The following PAFAH1B2 variants were observed in gnomAD, a reference collection of about 807,000 sequenced individuals.
PAFAH1B2 encodes the protein platelet-activating factor acetylhydrolase IB subunit alpha2.
Under a neutral mutation model 28.0 loss-of-function variants are expected in PAFAH1B2, and 8 were observed. The observed-to-expected ratio is 0.29, with a 90% CI of 0.17 to 0.52. PAFAH1B2 has a LOEUF of 0.52. PAFAH1B2 is among the 20% of genes least tolerant of loss of function. The probability of loss-of-function intolerance (pLI) is 0.97; values close to 1 mark genes in which losing one functional copy is unlikely to be tolerated. For missense variants in PAFAH1B2, 190 were observed against 282.6 expected, an observed-to-expected ratio of 0.67 and a Z score of 2.35; for synonymous variants, 104 against 103.2, an observed-to-expected ratio of 1.01 and a Z score of -0.05.
exon 6 of PAFAH1B2, chr11:117,176,505 C>CGA (rs1468258242): frequency 5.1e-6 from 1 of 195,028 alleles, no homozygotes; most frequent in African/African-American, 2.3e-5. Context: ...TGAGAGAACT[C>CGA]TGACAAGGCA....
chr11:117,149,428 TCG>T (rs1491271147), intron 1 of PAFAH1B2, among the ~76,000 whole-genome samples: 9 of 79,092 alleles, frequency 1.1e-4, no homozygotes, highest in East Asian at 2.4e-4. Context: ...AGTTTTCTAA[TCG>T]TTTTTTTTTT....
intron 1 of PAFAH1B2, among the ~76,000 whole-genome samples, chr11:117,147,222 C>G (rs1166080704): frequency 6.6e-6 from 1 of 152,060 alleles, no homozygotes; most frequent in South Asian, 2.1e-4. Context: ...GAGCCAAGGT[C>G]GCGCCGTTGT....
intron 1 of PAFAH1B2, among the ~76,000 whole-genome samples, chr11:117,145,697 T>G (rs551085848): frequency 2.6e-5 from 4 of 152,236 alleles, no homozygotes; most frequent in Non-Finnish European, 5.9e-5. Context: ...AAGGGCCGCC[T>G]TCTTCTTCAG....
At chr11:117,158,438 A>C (rs1386984721) in intron 2 of PAFAH1B2, among the ~76,000 whole-genome samples, 3 of 152,142 alleles carry the variant, frequency 2.0e-5, no homozygotes. Context: ...TTGACTGAAA[A>C]GGATTGAGTC....
At chr11:117,164,720 C>A (rs995342417) in intron 5 of PAFAH1B2, among the ~76,000 whole-genome samples, 3 of 151,908 alleles carry the variant, frequency 2.0e-5, no homozygotes, top group Non-Finnish European at 4.4e-5. Flanking sequence ...CAAAGGTGAA[C>A]AGCTGTCTGT....
At chr11:117,149,651 C>G (rs1382421153) in intron 1 of PAFAH1B2, among the ~76,000 whole-genome samples, 1 of 150,296 alleles carries the variant, frequency 6.7e-6, no homozygotes, top group Non-Finnish European at 1.5e-5. Flanking sequence ...CCAGGATGGT[C>G]TCGATCTCCT....
downstream of PAFAH1B2, chr11:117,175,728 CTG>C (rs1192385358): frequency 8.9e-6 from 10 of 1,121,670 alleles, no homozygotes; most frequent in Non-Finnish European, 1.2e-5. Flanking sequence ...AAGTAGGACT[CTG>C]GATGTGCGTT....
chr11:117,150,958 A>G (rs1022444443), intron 1 of PAFAH1B2, among the ~76,000 whole-genome samples: 1 of 150,590 alleles, frequency 6.6e-6, no homozygotes, highest in African/African-American at 2.4e-5. Flanking sequence ...ACTGCACTCC[A>G]GCCTCGGTGA....
intron 2 of PAFAH1B2, 125 bp from the exon 3 acceptor site, chr11:117,159,809 T>TC: frequency 1.5e-6 from 1 of 659,216 alleles, no homozygotes. Context: ...CAGGCTGATC[T>TC]CAAACTCCTG....
chr11:117,175,832 G>A, downstream of PAFAH1B2: 2 of 1,377,610 alleles, frequency 1.5e-6, no homozygotes, highest in Non-Finnish European at 2.0e-6. Context: ...TCGAGAGGCT[G>A]TGGCAGATCG....
downstream of PAFAH1B2, among the ~76,000 whole-genome samples, chr11:117,174,484 A>AT (rs34169524): frequency 0.073 from 7,895 of 107,938 alleles, 249 homozygotes; most frequent in Middle Eastern, 0.18. Context: ...GCCCCTGGCC[A>AT]TTTTTTTTTC....
downstream of PAFAH1B2, among the ~76,000 whole-genome samples, chr11:117,177,526 G>A (rs912785643): frequency 6.6e-6 from 1 of 151,856 alleles, no homozygotes; most frequent in Non-Finnish European, 1.5e-5. Flanking sequence ...GAATATATAC[G>A]GTTTTATTTA....
chr11:117,158,257 G>T (rs1956296350), intron 2 of PAFAH1B2, among the ~76,000 whole-genome samples: 1 of 151,984 alleles, frequency 6.6e-6, no homozygotes, highest in Non-Finnish European at 1.5e-5. Flanking sequence ...GCCCAGGCTG[G>T]TCTCGAATGC....
downstream of PAFAH1B2, chr11:117,176,041 C>A (rs2029965526): frequency 2.2e-6 from 2 of 901,906 alleles, no homozygotes; most frequent in African/African-American, 3.3e-5. Context: ...TTTTGCCATC[C>A]TGAGGATTCT....
chr11:117,162,218 C>T (rs59007408), intron 4 of PAFAH1B2, among the ~76,000 whole-genome samples: 3,645 of 152,234 alleles, frequency 0.024, 76 homozygotes, highest in South Asian at 0.098. Context: ...ACTGTAACCT[C>T]AAACTGTTGG....
At chr11:117,149,564 C>A (rs1260246704) in intron 1 of PAFAH1B2, among the ~76,000 whole-genome samples, 1 of 149,946 alleles carries the variant, frequency 6.7e-6, no homozygotes, top group Non-Finnish European at 1.5e-5. Flanking sequence ...GTAGCTGGGA[C>A]TACAGGTGCC....
In PAFAH1B2 at chr11:117,168,677, T is replaced by A; in HGVS notation, c.*978T>A. 2 of 1,063,158 alleles carry A rather than the reference T, an allele frequency of 1.9e-6. No individual in the cohort carries two copies. Among genetic ancestry groups the A allele is most frequent in the Non-Finnish European group, 2.3e-6 (2 of 877,946 alleles). 65.9% of individuals were successfully genotyped at this position (1,063,158 alleles called of 1,614,324 possible). On this transcript the variant is annotated 3_prime_UTR_variant, in exon 6 of 6. Transcript: ENST00000527958. ...TCCCTTAAAACCTGTTAACAGTTTT[T>A]TTTGGGGGTGGGGGGATTCAGAACT...
Position 117,170,816 on chromosome 11 carries a change from A to G in PAFAH1B2, c.*3117A>G. The G allele has an allele frequency of 9.4e-7, 1 of 1,060,164 alleles. No individual in the cohort carries two copies. The highest frequency in any genetic ancestry group is 1.1e-6 in the Non-Finnish European group (1 of 876,008). The allele number at this position is 1,060,164 out of a possible 1,614,324, so 65.7% of individuals were successfully genotyped here. The stretch of plus-strand genomic sequence containing the variant: ...AAATGAGGAGCATGTCCAAGCTCCT[A>G]AATCCGTGTGGGTGCATGTGGGAGA... On this transcript the variant is annotated 3_prime_UTR_variant, in exon 6 of 6. Coordinates refer to ENST00000527958, the MANE Select transcript of PAFAH1B2 (RefSeq NM_002572.4).
downstream of PAFAH1B2, among the ~76,000 whole-genome samples, chr11:117,174,619 T>C (rs7925256): frequency 0.89 from 136,071 of 152,178 alleles, 61,038 homozygotes; most frequent in African/African-American, 0.91. Flanking sequence ...GCCGGGATCA[T>C]AAGCATGTGC....
Sources: gnomAD v4.1 joint callset for allele counts (sites outside exome capture counted in the v4.1 genomes callset) on GRCh38, gnomAD v4.1.1 for gene constraint, MANE v1.5 for transcripts, NCBI Gene and HGNC (gene_info 2026-07-23, HGNC 2026-07-21) for gene names.